LEPR: variants seen among roughly 807,000 people sequenced by gnomAD.
The protein encoded by LEPR is OB receptor.
Under a neutral mutation model 114.7 loss-of-function variants are expected in LEPR, and 56 were observed. The ratio of observed to expected loss-of-function variants is 0.49; its 90% CI spans 0.39 to 0.61. The LOEUF (loss-of-function observed/expected upper bound fraction) is 0.61. LEPR is among the 20% of genes least tolerant of loss of function. LEPR has a pLI of 0.00. For synonymous variants in LEPR, 443 were observed against 461.4 expected (o/e 0.96, Z 0.51); for missense variants, 1,202 against 1,352.9 (o/e 0.89, Z 1.75).
At chr1:65,541,367 T>C (rs550911226) in intron 2 of LEPR, among the ~76,000 whole-genome samples, 137 of 152,350 alleles carry the variant, frequency 9.0e-4, no homozygotes, top group African/African-American at 3.0e-3. Context: ...GTTGACTTTA[T>C]GGTACCCACA....
chr1:65,475,818 C>A (rs1283153312), intron 2 of LEPR, among the ~76,000 whole-genome samples: 3 of 151,966 alleles, frequency 2.0e-5, no homozygotes, highest in Non-Finnish European at 2.9e-5. Context: ...CATTACGAAA[C>A]CAGCTTAGAC....
intron 2 of LEPR, among the ~76,000 whole-genome samples, chr1:65,545,180 C>G (rs879919027): frequency 0.011 from 1,385 of 122,504 alleles, 11 homozygotes; most frequent in African/African-American, 0.039. Context: ...TGTATATGTG[C>G]CACATTTTCT....
At chr1:65,530,495 T>C (rs1650310162) in intron 2 of LEPR, among the ~76,000 whole-genome samples, 1 of 152,216 alleles carries the variant, frequency 6.6e-6, no homozygotes, top group Non-Finnish European at 1.5e-5. Flanking sequence ...TGCCCATTTT[T>C]ATGGCTATTT....
chr1:65,475,842 C>T (rs983622673), intron 2 of LEPR, among the ~76,000 whole-genome samples: 9 of 151,698 alleles, frequency 5.9e-5, no homozygotes, highest in African/African-American at 2.2e-4. Flanking sequence ...ATAGTGAAAC[C>T]CCATCTGTAC....
intron 2 of LEPR, among the ~76,000 whole-genome samples, chr1:65,544,787 C>CTTTAT (rs920666045): frequency 1.3e-5 from 2 of 150,472 alleles, no homozygotes; most frequent in African/African-American, 2.5e-5. Flanking sequence ...CATTGATAAA[C>CTTTAT]TTTATTTTAT....
At chr1:65,510,079 T>A (rs1396857516) in intron 2 of LEPR, among the ~76,000 whole-genome samples, 1 of 152,188 alleles carries the variant, frequency 6.6e-6, no homozygotes, top group Non-Finnish European at 1.5e-5. Flanking sequence ...CAGCACTATG[T>A]TTTCCACTAT....
At chr1:65,616,545 A>G (rs1657533870) in intron 15 of LEPR, among the ~76,000 whole-genome samples, 1 of 152,080 alleles carries the variant, frequency 6.6e-6, no homozygotes, top group East Asian at 1.9e-4. Context: ...CTATGTACAT[A>G]TACATGTATA....
intron 2 of LEPR, chr1:65,429,741 A>G (rs1570431289): frequency 2.4e-6 from 2 of 835,144 alleles, no homozygotes; most frequent in East Asian, 2.7e-5. Context: ...AATATTCACA[A>G]TTAATTAATT....
At chr1:65,585,023 A>G (rs1411495592) in intron 5 of LEPR, among the ~76,000 whole-genome samples, 1 of 152,046 alleles carries the variant, frequency 6.6e-6, no homozygotes, top group East Asian at 1.9e-4. Context: ...TTTATTCAGA[A>G]CATAGATTGC....
At chr1:65,445,743 A>G (rs1244058622) in intron 2 of LEPR, among the ~76,000 whole-genome samples, 3 of 151,994 alleles carry the variant, frequency 2.0e-5, no homozygotes, top group Non-Finnish European at 4.4e-5. Flanking sequence ...TTTTCTACAC[A>G]TGCCATTTCT....
At chr1:65,602,306 A>G (rs534152434) in intron 10 of LEPR, among the ~76,000 whole-genome samples, 25 of 152,174 alleles carry the variant, frequency 1.6e-4, no homozygotes, top group African/African-American at 6.0e-4. Context: ...GTGAAAGATT[A>G]TAAAAGTTTC....
intron 2 of LEPR, among the ~76,000 whole-genome samples, chr1:65,533,199 G>A (rs369544268): frequency 6.6e-6 from 1 of 152,042 alleles, no homozygotes; most frequent in East Asian, 1.9e-4. Context: ...TCATATTAGG[G>A]AAGAACTCAG....
chr1:65,626,733 C>T (rs1022518060), intron 19 of LEPR, among the ~76,000 whole-genome samples: 2 of 152,082 alleles, frequency 1.3e-5, no homozygotes, highest in Admixed American at 6.5e-5. Context: ...GCCTCGACGT[C>T]CTTGGGCTCA....
In LEPR at chr1:65,518,873, T is replaced by TTCTCTTTCTTTC. The variant is rs763024512; in HGVS notation, c.-20-46672_-20-46671insCTCTTTCTTTCT. Among the ~76,000 whole-genome samples, 4 of 117,322 alleles carry TTCTCTTTCTTTC rather than the reference T, an allele frequency of 3.4e-5. No homozygotes were observed. In the East Asian group the frequency reaches 9.2e-4, roughly 27 times the overall value. The allele number at this position is 117,322 out of a possible 152,430, so 77.0% of individuals were successfully genotyped here. A position where few individuals can be genotyped will look rare whatever the true frequency, so the allele number is the denominator to read the frequency against. On this transcript the variant is annotated intron_variant, in intron 2 of 19. Transcript: ENST00000349533. ...TTTTCTCTTTTCTTTCTTTCTTTCT[T>TTCTCTTTCTTTC]TTTCTTTCTTTCTTTCTTTCTTTCT...
At chr1:65,464,422 T>C (rs922884980) in intron 2 of LEPR, among the ~76,000 whole-genome samples, 1 of 152,162 alleles carries the variant, frequency 6.6e-6, no homozygotes, top group African/African-American at 2.4e-5. Flanking sequence ...CTGGATTCAG[T>C]TTGCCAGTAT....
At position 65,640,398 on chromosome 1, in the gene LEPR, TAAC is replaced by T. The variant is rs1378192403; in HGVS notation, c.*3386_*3388del. On this transcript the variant is annotated 3_prime_UTR_variant, in exon 20 of 20. Coordinates refer to ENST00000349533, the MANE Select transcript of LEPR (RefSeq NM_002303.6). Reference sequence around the variant, plus strand: ...TCAAGGGTCATCTTGATAGTTACCTTAACAAACCTTTCTCAGCTATTTATTATT... The same window carrying T: ...TCAAGGGTCATCTTGATAGTTACCTTAAACCTTTCTCAGCTATTTATTATT... 1.3e-5 allele frequency: 2 copies of T among 152,232 alleles called. No homozygotes were observed. The highest frequency in any genetic ancestry group is 4.8e-5 in the African/African-American group (2 of 41,452). 9.4% of individuals were successfully genotyped at this position (152,232 alleles called of 1,614,324 possible). A position where few individuals can be genotyped will look rare whatever the true frequency, so the allele number is the denominator to read the frequency against.
chr1:65,552,262 G>C (rs1161548040), intron 2 of LEPR, among the ~76,000 whole-genome samples: 2 of 152,120 alleles, frequency 1.3e-5, no homozygotes, highest in African/African-American at 4.8e-5. Context: ...GAATATGCTT[G>C]TTAATTTTCT....
chr1:65,487,412 T>C (rs1647547423), intron 2 of LEPR, among the ~76,000 whole-genome samples: 1 of 152,132 alleles, frequency 6.6e-6, no homozygotes, highest in Non-Finnish European at 1.5e-5. Context: ...CCCTCTTAGA[T>C]TCTGGGTTGT....
At chr1:65,525,343 G>C (rs76656279) in intron 2 of LEPR, among the ~76,000 whole-genome samples, 10,182 of 152,164 alleles carry the variant, frequency 0.067, 521 homozygotes, top group South Asian at 0.26. Flanking sequence ...GGTCCGGGGT[G>C]GGGGGGTACT....
Sources: gnomAD v4.1 joint callset for allele counts (sites outside exome capture counted in the v4.1 genomes callset) on GRCh38, gnomAD v4.1.1 for gene constraint, MANE v1.5 for transcripts, NCBI Gene and HGNC (gene_info 2026-07-23, HGNC 2026-07-21) for gene names.